Variants in SLC24A4 observed in about 807,000 individuals in gnomAD.
SLC24A4 encodes the protein solute carrier family 24 member 4.
SLC24A4 carries 53 observed loss-of-function variants against 79.0 expected under a neutral mutation model. That is an observed-to-expected ratio of 0.67 (90% confidence interval 0.54 to 0.84). The LOEUF (loss-of-function observed/expected upper bound fraction) is 0.84, where lower values mean the gene tolerates loss of function less well. Ranked by LOEUF, SLC24A4 falls within the 40% of genes least tolerant of loss-of-function variation. The pLI is 0.00. For missense variants in SLC24A4, 731 were observed against 822.0 expected, an observed-to-expected ratio of 0.89 and a Z score of 1.35; for synonymous variants, 323 against 323.8, an observed-to-expected ratio of 1.00 and a Z score of 0.03.
chr14:92,465,387 C>A, intron 12 of SLC24A4, among the ~76,000 whole-genome samples: 1 of 152,218 alleles, frequency 6.6e-6, no homozygotes, highest in East Asian at 1.9e-4. Context: ...CGGGCCTTAA[C>A]TTCAGGTCAT....
chr14:92,435,473 T>G (rs1160450144), intron 3 of SLC24A4, among the ~76,000 whole-genome samples: 1 of 152,226 alleles, frequency 6.6e-6, no homozygotes, highest in Non-Finnish European at 1.5e-5. Flanking sequence ...TCTGCCCCTT[T>G]ACAGAAAAGG....
chr14:92,426,758 G>T (rs1891587091), intron 2 of SLC24A4, among the ~76,000 whole-genome samples: 1 of 152,090 alleles, frequency 6.6e-6, no homozygotes, highest in African/African-American at 2.4e-5. Context: ...TACAATTGGT[G>T]GGGCGGGGGG....
chr14:92,480,286 C>CTTTTTTTTTTTTTTT lies in SLC24A4; in HGVS notation c.1256-2390_1256-2376dup, dbSNP rs66533065. On this transcript the variant is annotated intron_variant, in intron 12 of 16. Transcript: ENST00000532405. Reference sequence around the variant, plus strand: ...TTGGACATTGATTTGAGATCTTTCCCTTTTTTTTTTTTTTTTTTGAGATGG... The same window carrying CTTTTTTTTTTTTTTT: ...TTGGACATTGATTTGAGATCTTTCCCTTTTTTTTTTTTTTTTTTTTTTTTTTTTTTTTTGAGATGG... Among the ~76,000 whole-genome samples, 12 of 63,124 alleles carry CTTTTTTTTTTTTTTT rather than the reference C, an allele frequency of 1.9e-4. 1 individual carries two copies. Among genetic ancestry groups the CTTTTTTTTTTTTTTT allele is most frequent in the East Asian group, 5.2e-4 (1 of 1,910 alleles). The allele number at this position is 63,124 out of a possible 152,430, so 41.4% of individuals were successfully genotyped here.
At chr14:92,384,444 CAG>C (rs1385666051) in intron 2 of SLC24A4, among the ~76,000 whole-genome samples, 1 of 149,916 alleles carries the variant, frequency 6.7e-6, no homozygotes, top group Non-Finnish European at 1.5e-5. Context: ...GAAACATTAT[CAG>C]TGTGTGCATG....
intron 2 of SLC24A4, among the ~76,000 whole-genome samples, chr14:92,431,954 C>G (rs775662354): frequency 1.5e-4 from 23 of 152,178 alleles, no homozygotes; most frequent in Non-Finnish European, 2.9e-4. Context: ...TGAGTGCTGG[C>G]GTAGATGCCT....
At position 92,362,731 on chromosome 14, in the gene SLC24A4, C is replaced by T. The variant is rs555917252; in HGVS notation, c.241+36753C>T. On this transcript the variant is annotated intron_variant, in intron 2 of 16. Coordinates refer to ENST00000532405, the MANE Select transcript of SLC24A4 (RefSeq NM_153646.4). ...GTGCTGCGTCCCAAGTCTCCTGTGT[C>T]ACCATGCGCTCCTCCTCTCTGAATG... Among the ~76,000 whole-genome samples, 8 of 152,350 alleles carry T rather than the reference C, an allele frequency of 5.3e-5. No homozygotes were observed. The South Asian group carries it at 1.2e-3, about 24-fold the overall frequency.
At chr14:92,332,052 G>A (rs1053411021) in intron 2 of SLC24A4, among the ~76,000 whole-genome samples, 4 of 152,144 alleles carry the variant, frequency 2.6e-5, no homozygotes, top group Non-Finnish European at 5.9e-5. Context: ...GCTGAGGCAG[G>A]CAGATCACTT....
chr14:92,479,246 C>T (rs1894930577), intron 12 of SLC24A4, among the ~76,000 whole-genome samples: 1 of 152,026 alleles, frequency 6.6e-6, no homozygotes, highest in Non-Finnish European at 1.5e-5. Flanking sequence ...TAAGAGCAGA[C>T]ATCTTCATCT....
intron 10 of SLC24A4, chr14:92,450,148 C>T (rs1893054010): frequency 6.6e-6 from 1 of 152,314 alleles, no homozygotes; most frequent in Non-Finnish European, 1.5e-5. Flanking sequence ...GGGCTCTTTC[C>T]CCCGCTTTCT....
chr14:92,352,831 T>C (rs186833988), intron 2 of SLC24A4, among the ~76,000 whole-genome samples: 74 of 152,284 alleles, frequency 4.9e-4, no homozygotes, highest in African/African-American at 8.9e-4. Context: ...AGGAAAGGAA[T>C]TGAGGTTGTT....
chr14:92,456,395 T>C lies in SLC24A4; in HGVS notation c.1051-9T>C. The C allele has an allele frequency of 2.5e-6, 4 of 1,614,118 alleles. No individual in the cohort carries two copies. The highest frequency in any genetic ancestry group is 3.4e-6 in the Non-Finnish European group (4 of 1,179,986). ...GCCTTGGTGTCCATGTTGCCTCCTG[T>C]CCACACAGCGGCAGAGACTGATCAA... On this transcript the variant is annotated splice_polypyrimidine_tract_variant and intron_variant, in intron 11 of 16. Coordinates refer to ENST00000532405, the MANE Select transcript of SLC24A4 (RefSeq NM_153646.4).
At chr14:92,428,143 G>T (rs1300242389) in intron 2 of SLC24A4, among the ~76,000 whole-genome samples, 1 of 152,228 alleles carries the variant, frequency 6.6e-6, no homozygotes, top group Admixed American at 6.5e-5. Context: ...GAAACGGAAT[G>T]ATCAAGTGTT....
intron 2 of SLC24A4, among the ~76,000 whole-genome samples, chr14:92,406,015 A>G (rs1852060554): frequency 6.6e-6 from 1 of 152,232 alleles, no homozygotes; most frequent in African/African-American, 2.4e-5. Flanking sequence ...AAAATAAAAA[A>G]CAAGTTAGTT....
chr14:92,477,041 ATTT>A (rs1414356903), intron 12 of SLC24A4, among the ~76,000 whole-genome samples: 1 of 152,154 alleles, frequency 6.6e-6, no homozygotes, highest in Non-Finnish European at 1.5e-5. Context: ...ATGGACATAT[ATTT>A]TTATTCTTTT....
At position 92,495,582 on chromosome 14, in the gene SLC24A4, A is replaced by C. The variant is rs1011312851; in HGVS notation, c.*1954A>C. The C allele has an allele frequency of 2.0e-5, 3 of 152,230 alleles. No individual in the cohort carries two copies. The highest frequency in any genetic ancestry group is 4.4e-5 in the Non-Finnish European group (3 of 68,060). The allele number at this position is 152,230 out of a possible 1,614,324, so 9.4% of individuals were successfully genotyped here. A position where few individuals can be genotyped will look rare whatever the true frequency, so the allele number is the denominator to read the frequency against. On this transcript the variant is annotated 3_prime_UTR_variant, in exon 17 of 17. Transcript: ENST00000532405. ...GTTCTCCTGGTTCCTCCGATCTTAC[A>C]GGCTCATCCAGGTTCCAAAGTGCTT...
intron 12 of SLC24A4, among the ~76,000 whole-genome samples, chr14:92,475,226 C>T (rs2139903851): frequency 6.6e-6 from 1 of 152,242 alleles, no homozygotes; most frequent in East Asian, 1.9e-4. Context: ...GATGCCAGAC[C>T]TTTAATGTTG....
upstream of SLC24A4, among the ~76,000 whole-genome samples, chr14:92,322,849 C>G (rs571168495): frequency 4.1e-4 from 63 of 152,062 alleles, no homozygotes; most frequent in South Asian, 5.2e-3. Flanking sequence ...TCGGAGAGCC[C>G]GGACAGGAGC....
intron 12 of SLC24A4, among the ~76,000 whole-genome samples, chr14:92,474,823 A>ATGTGTGTGTG (rs1491299476): frequency 3.4e-4 from 3 of 8,886 alleles, no homozygotes; most frequent in African/African-American, 5.8e-4. Context: ...ATATATATAC[A>ATGTGTGTGTG]TATATATGTG....
Position 92,323,768 on chromosome 14 carries a change from G to A in SLC24A4, c.-63G>A. 1.3e-6 allele frequency: 2 copies of A among 1,512,214 alleles called. No individual in the cohort carries two copies. Among genetic ancestry groups the A allele is most frequent in the Non-Finnish European group, 1.8e-6 (2 of 1,134,884 alleles). 93.7% of individuals were successfully genotyped at this position (1,512,214 alleles called of 1,614,324 possible). A position where few individuals can be genotyped will look rare whatever the true frequency, so the allele number is the denominator to read the frequency against. ...CCAGCCCCAGCGCCGCTCGGCCACT[G>A]ATTGCACTCTGGCCGCTGAAGCTCC... On this transcript the variant is annotated 5_prime_UTR_variant, in exon 1 of 17. Transcript: ENST00000532405. The surrounding 1 kb of genome is among the most constrained non-coding windows in gnomAD (Gnocchi z 4.9).
Sources: allele counts gnomAD v4.1 joint callset (sites outside exome capture counted in the v4.1 genomes callset), GRCh38; gene constraint gnomAD v4.1.1; non-coding constraint Gnocchi (gnomAD v3.1); transcripts MANE v1.5; gene names NCBI Gene and HGNC (gene_info 2026-07-23, HGNC 2026-07-21).